Variants in RAF1 observed in about 807,000 individuals in gnomAD.
RAF1 encodes Raf-1 proto-oncogene, serine/threonine kinase.
Under a neutral mutation model 81.1 loss-of-function variants are expected in RAF1, and 27 were observed. The observed-to-expected ratio is 0.33, with a 90% CI of 0.25 to 0.46. The LOEUF (loss-of-function observed/expected upper bound fraction) is 0.46, where lower values mean the gene tolerates loss of function less well. RAF1 is among the 20% of genes least tolerant of loss of function. RAF1 has a pLI of 1.00. For missense variants in RAF1, 598 were observed against 826.0 expected, an observed-to-expected ratio of 0.72 and a Z score of 3.38; for synonymous variants, 298 against 294.0, an observed-to-expected ratio of 1.01 and a Z score of -0.14.
At position 12,609,434 on chromosome 3, in the gene RAF1, CTTTA is replaced by C. The variant is rs543521498; in HGVS notation, c.321-103_321-100del. The C allele has an allele frequency of 1.4e-4, 111 of 776,944 alleles. 2 individuals are homozygous for C. The highest frequency in any genetic ancestry group is 5.4e-4 in the South Asian group (38 of 70,700). 48.1% of individuals were successfully genotyped at this position (776,944 alleles called of 1,614,324 possible). On this transcript the variant is annotated intron_variant, in intron 3 of 17. Transcript: ENST00000442415. ...TTTATCACATGCCATATAAACACAA[CTTTA>C]TTTAATCCATACAACAATAATTTAT...
rs778788727 is a variant in RAF1 at position 12,585,701 on chromosome 3, T to C, written c.1576A>G (p.Thr526Ala). The C allele has an allele frequency of 6.2e-7, 1 of 1,613,296 alleles. No individual in the cohort carries two copies. The highest frequency in any genetic ancestry group is 1.7e-5 in the Admixed American group (1 of 60,026). The change falls in exon 15 of 18, where the codon ACT (threonine) becomes GCT (alanine). Residue 526 changes from threonine to alanine, a missense_variant. By Grantham distance (58) the Thr-to-Ala change is moderately conservative (BLOSUM62 0). Around this residue, in one of 5 missense-constraint regions of RAF1, gnomAD observed 147 missense variants for 196.1 expected, o/e 0.75. Coordinates refer to ENST00000442415, the MANE Select transcript of RAF1 (RefSeq NM_001354689.3). Reference sequence around the variant, plus strand: ...CTCACCATCCAGAGGACAGAGCCAGTAGGTTGTTCAACCTGCTGAGAACCA... The same window carrying C: ...CTCACCATCCAGAGGACAGAGCCAGCAGGTTGTTCAACCTGCTGAGAACCA...
intron 1 of RAF1, among the ~76,000 whole-genome samples, chr3:12,660,173 T>C (rs1410250364): frequency 6.6e-6 from 1 of 152,130 alleles, no homozygotes; most frequent in East Asian, 1.9e-4. Flanking sequence ...TAATACTTGA[T>C]GTTTAACATT....
intron 1 of RAF1, among the ~76,000 whole-genome samples, chr3:12,628,109 G>A (rs182970275): frequency 4.6e-5 from 7 of 152,320 alleles, no homozygotes; most frequent in Admixed American, 1.3e-4. Flanking sequence ...GTGAAACTCC[G>A]TCTCAAAAAT....
At chr3:12,611,673 C>T (rs970045900) in intron 3 of RAF1, among the ~76,000 whole-genome samples, 15 of 152,232 alleles carry the variant, frequency 9.9e-5, no homozygotes, top group African/African-American at 3.4e-4. Context: ...GCACTCCAGC[C>T]TGGGCGACAG....
At chr3:12,657,737 C>CT (rs1424390006) in intron 1 of RAF1, among the ~76,000 whole-genome samples, 1 of 151,448 alleles carries the variant, frequency 6.6e-6, no homozygotes, top group Non-Finnish European at 1.5e-5. Context: ...CACCACTGCA[C>CT]TCCAGCCTGG....
chr3:12,638,122 T>A (rs2060083148), intron 1 of RAF1, among the ~76,000 whole-genome samples: 1 of 152,214 alleles, frequency 6.6e-6, no homozygotes, highest in Non-Finnish European at 1.5e-5. Context: ...GCCTACTCAA[T>A]GATTATTGAC....
At chr3:12,628,981 C>A (rs2059790370) in intron 1 of RAF1, among the ~76,000 whole-genome samples, 2 of 152,090 alleles carry the variant, frequency 1.3e-5, no homozygotes, top group Admixed American at 1.3e-4. Flanking sequence ...AAACTCCTGA[C>A]CTCAAGTGAT....
intron 1 of RAF1, among the ~76,000 whole-genome samples, chr3:12,644,270 T>G (rs965391202): frequency 1.3e-5 from 2 of 152,190 alleles, no homozygotes; most frequent in Admixed American, 1.3e-4. Context: ...TTAAGGTACA[T>G]CTGTCACATT....
intron 1 of RAF1, among the ~76,000 whole-genome samples, chr3:12,657,024 G>C (rs2060716656): frequency 6.6e-6 from 1 of 150,838 alleles, no homozygotes; most frequent in East Asian, 1.9e-4. Flanking sequence ...AAGAGGAATA[G>C]ATAAAAGTAA....
chr3:12,592,601 G>T (rs957752048), intron 11 of RAF1, among the ~76,000 whole-genome samples: 1 of 152,004 alleles, frequency 6.6e-6, no homozygotes, highest in African/African-American at 2.4e-5. Context: ...ACCCCAGTCT[G>T]ACTCCAATTG....
At chr3:12,600,562 C>T (rs773255729) in intron 8 of RAF1, 147 bp from the exon 8 acceptor site, 15 of 874,380 alleles carry the variant, frequency 1.7e-5, no homozygotes, top group African/African-American at 1.7e-5. Flanking sequence ...CTCTAATCAA[C>T]GTTCCTTGAT....
At chr3:12,648,103 C>G (rs950717511) in intron 1 of RAF1, among the ~76,000 whole-genome samples, 1 of 151,960 alleles carries the variant, frequency 6.6e-6, no homozygotes, top group Non-Finnish European at 1.5e-5. Context: ...CTTTTTTAAC[C>G]CGAGTTTTTC....
Position 12,590,962 on chromosome 3 carries a change from ATGCCG to A in RAF1, c.1261_1265del (p.Arg421CysfsTer45). ...ACCCCATGAAAAGCAGAATGTTCAC[ATGCCG>A]TGTTTTGCTGGGGAGGGGAGGGGAA... On this transcript the variant is annotated frameshift_variant, in exon 13 of 18. Coordinates refer to ENST00000442415, the MANE Select transcript of RAF1 (RefSeq NM_001354689.3). LOFTEE classifies it high-confidence loss of function. 1 of 1,610,702 alleles carries A rather than the reference ATGCCG, an allele frequency of 6.2e-7. No homozygotes were observed.
intron 13 of RAF1, 199 bp from the exon 13 acceptor site, chr3:12,587,836 C>CTTTTTTTTT: frequency 4.2e-6 from 1 of 236,148 alleles, no homozygotes. Context: ...CATGCTTACA[C>CTTTTTTTTT]CTTTTTTTTT....
intron 8 of RAF1, chr3:12,603,365 C>A: frequency 3.7e-6 from 2 of 544,314 alleles, no homozygotes; most frequent in East Asian, 2.9e-5. Flanking sequence ...AAACAAGTGA[C>A]AAGAAATATA....
intron 11 of RAF1, among the ~76,000 whole-genome samples, chr3:12,596,339 G>A (rs562766821): frequency 3.9e-5 from 6 of 151,934 alleles, no homozygotes; most frequent in South Asian, 4.2e-4. Flanking sequence ...GATTACAGGC[G>A]CATGCCATCA....
At chr3:12,653,606 G>C (rs1048346628) in intron 1 of RAF1, among the ~76,000 whole-genome samples, 1 of 151,960 alleles carries the variant, frequency 6.6e-6, no homozygotes, top group Non-Finnish European at 1.5e-5. Context: ...TTAGCCGGTT[G>C]TGGTAGCGAG....
At chr3:12,634,505 G>C (rs991051458) in intron 1 of RAF1, among the ~76,000 whole-genome samples, 3 of 152,048 alleles carry the variant, frequency 2.0e-5, no homozygotes, top group Non-Finnish European at 4.4e-5. Context: ...GAAAGACTTA[G>C]GATATAGGAA....
chr3:12,620,923 CAGAGTTCAGTTCATTCAG>C (rs1559451650), intron 1 of RAF1, among the ~76,000 whole-genome samples: 38 of 151,336 alleles, frequency 2.5e-4, no homozygotes, highest in African/African-American at 9.0e-4. Context: ...ATTCAGAGTT[CAGAGTTCAGTTCATTCAG>C]AGTTCAGAGT....
Sources: allele counts gnomAD v4.1 joint callset (sites outside exome capture counted in the v4.1 genomes callset), GRCh38; gene constraint gnomAD v4.1.1; regional missense constraint gnomAD v4.1.1; transcripts MANE v1.5; gene names NCBI Gene and HGNC (gene_info 2026-07-23, HGNC 2026-07-21).